The following POLR3G variants were observed in gnomAD, a reference collection of about 807,000 sequenced individuals.
POLR3G encodes the protein DNA-directed RNA polymerase III subunit RPC7.
POLR3G carries 28 observed loss-of-function variants against 30.1 expected under a neutral mutation model. The ratio of observed to expected loss-of-function variants is 0.93; its 90% CI spans 0.69 to 1.27. The LOEUF (loss-of-function observed/expected upper bound fraction) is 1.27, where lower values mean the gene tolerates loss of function less well. POLR3G is among the 50% of genes most tolerant of loss of function. The pLI is 0.00. For synonymous variants in POLR3G, 79 were observed against 82.5 expected, an observed-to-expected ratio of 0.96 and a Z score of 0.23; for missense variants, 254 against 264.6, an observed-to-expected ratio of 0.96 and a Z score of 0.28.
At chr5:90,484,213 C>CAA (rs1751294386) in intron 1 of POLR3G, among the ~76,000 whole-genome samples, 1 of 152,210 alleles carries the variant, frequency 6.6e-6, no homozygotes, top group South Asian at 2.1e-4. Flanking sequence ...TGGGCCCACT[C>CAA]ACAGTTTCTT....
intron 7 of POLR3G, among the ~76,000 whole-genome samples, chr5:90,509,276 G>T (rs1752628951): frequency 6.6e-6 from 1 of 151,952 alleles, no homozygotes; most frequent in Non-Finnish European, 1.5e-5. Flanking sequence ...CTTCCCTCGG[G>T]CTTCTTTTTC....
At chr5:90,479,440 T>C (rs1751012170) in intron 1 of POLR3G, among the ~76,000 whole-genome samples, 1 of 152,058 alleles carries the variant, frequency 6.6e-6, no homozygotes, top group South Asian at 2.1e-4. Flanking sequence ...ACCAATGCAC[T>C]CCAGCCTGGG....
At chr5:90,501,590 T>A (rs539261871) in intron 5 of POLR3G, among the ~76,000 whole-genome samples, 14 of 152,300 alleles carry the variant, frequency 9.2e-5, no homozygotes, top group African/African-American at 3.4e-4. Context: ...GGTACTTCTC[T>A]ATCTGAGGCA....
rs530113997 is a variant in POLR3G at position 90,505,316 on chromosome 5, G to A, written c.439-1212G>A. On this transcript the variant is annotated intron_variant, in intron 6 of 7. Coordinates refer to ENST00000651687, the MANE Select transcript of POLR3G (RefSeq NM_006467.3). ...GAGGTGACTTATGCCTTAATTATGC[G>A]TATTAATATGTGAAATTATTGACTC... Among the ~76,000 whole-genome samples, 393 of 152,116 alleles carry A rather than the reference G, an allele frequency of 2.6e-3. 1 individual carries two copies. The highest frequency in any genetic ancestry group is 8.7e-3 in the African/African-American group (363 of 41,486).
In POLR3G at chr5:90,501,928, A is replaced by C; in HGVS notation, c.378A>C (p.Ala126=). 1 of 1,613,564 alleles carries C rather than the reference A, an allele frequency of 6.2e-7. No homozygotes were observed. Among genetic ancestry groups the C allele is most frequent in the Non-Finnish European group, 8.5e-7 (1 of 1,179,658 alleles). The part of the protein sequence containing the change: ...CKKAGPKPKK[A]KDAGKGTPLT... ...CAGCAGGCCCAAAACCCAAAAAGGC[A>C]AAAGACGCAGGCAAAGGCACACCAC... Residue 126 remains alanine, a synonymous_variant, in exon 6 of 8, where the codon GCA becomes GCC. Coordinates refer to ENST00000651687, the MANE Select transcript of POLR3G (RefSeq NM_006467.3).
chr5:90,474,477 G>A, upstream of POLR3G: 1 of 607,300 alleles, frequency 1.6e-6, no homozygotes, highest in African/African-American at 1.9e-5. Flanking sequence ...GACCGACGCT[G>A]CCCGTAGCGT....
chr5:90,482,168 G>T (rs77842351), intron 1 of POLR3G, among the ~76,000 whole-genome samples: 1 of 152,176 alleles, frequency 6.6e-6, no homozygotes, highest in Admixed American at 6.5e-5. Context: ...ATAAATTTAC[G>T]AAATGAATAA....
chr5:90,487,898 CAT>C, intron 2 of POLR3G, 100 bp from the exon 3 acceptor site: 2 of 923,566 alleles, frequency 2.2e-6, no homozygotes, highest in Non-Finnish European at 3.0e-6. Flanking sequence ...GCCTGTAAAA[CAT>C]AGTATTTCAA....
chr5:90,479,124 A>G (rs770056223), intron 1 of POLR3G, among the ~76,000 whole-genome samples: 2 of 152,110 alleles, frequency 1.3e-5, no homozygotes, highest in Non-Finnish European at 2.9e-5. Context: ...AGCTGTTGCT[A>G]TATAGGAAGC....
intron 7 of POLR3G, among the ~76,000 whole-genome samples, chr5:90,507,900 CTGTTT>C (rs1752565475): frequency 6.6e-6 from 1 of 152,126 alleles, no homozygotes; most frequent in African/African-American, 2.4e-5. Flanking sequence ...TATTGGTTCT[CTGTTT>C]TAATTTTCTT....
rs1305236276 is a variant in POLR3G at position 90,495,681 on chromosome 5, T to C, written c.252T>C (p.Ile84=). The stretch of plus-strand genomic sequence containing the variant: ...CTTTATTCTTTTTTCCCCTAGATAT[T>C]GAAAGGTATAGTAAAAGATACATGA... ...FIETPEERQD[I]ERYSKRYMKV... Residue 84 remains isoleucine (I), a synonymous_variant, in exon 4 of 8, where the codon ATT becomes ATC. Coordinates refer to ENST00000651687, the MANE Select transcript of POLR3G (RefSeq NM_006467.3). 1 of 1,601,900 alleles carries C rather than the reference T, an allele frequency of 6.2e-7. No individual in the cohort carries two copies. The highest frequency in any genetic ancestry group is 1.7e-5 in the Admixed American group (1 of 58,314).
intron 1 of POLR3G, among the ~76,000 whole-genome samples, chr5:90,477,450 G>A (rs1172956464): frequency 6.6e-6 from 1 of 152,204 alleles, no homozygotes; most frequent in African/African-American, 2.4e-5. Flanking sequence ...AGGTCCAGGT[G>A]AGAGATGAGA....
rs114485433 is a variant in POLR3G at position 90,484,925 on chromosome 5, T to G, written c.-43-600T>G. ...GAGGATTCAAACGTTCAATACAACT[T>G]GCATATGTGATATCACTCCTGTCTC... On this transcript the variant is annotated intron_variant, in intron 1 of 7. Transcript: ENST00000651687. Among the ~76,000 whole-genome samples, 218 of 152,296 alleles carry G rather than the reference T, an allele frequency of 1.4e-3. 1 individual carries two copies. The highest frequency in any genetic ancestry group is 5.0e-3 in the African/African-American group (208 of 41,566).
chr5:90,502,175 T>G, intron 6 of POLR3G, 187 bp downstream of exon 6: 1 of 985,402 alleles, frequency 1.0e-6, no homozygotes, highest in Non-Finnish European at 1.2e-6. Flanking sequence ...GGAGGGTCTG[T>G]CCTGTCCTTC....
intron 1 of POLR3G, among the ~76,000 whole-genome samples, chr5:90,478,982 G>A (rs1376545029): frequency 9.9e-6 from 1 of 101,032 alleles, no homozygotes; most frequent in African/African-American, 3.4e-5. Context: ...TGATTCCAAT[G>A]TGCAGCCAGG....
intron 7 of POLR3G, among the ~76,000 whole-genome samples, chr5:90,508,277 A>G (rs933472552): frequency 6.6e-6 from 1 of 152,030 alleles, no homozygotes; most frequent in South Asian, 2.1e-4. Context: ...AGGAAACTCT[A>G]TTAAATTTCA....
intron 3 of POLR3G, among the ~76,000 whole-genome samples, chr5:90,488,941 A>AT (rs1279514051): frequency 2.6e-5 from 4 of 152,108 alleles, no homozygotes; most frequent in African/African-American, 9.7e-5. Context: ...TACTATATTG[A>AT]TTTTTCACTT....
intron 7 of POLR3G, 63 bp downstream of exon 7, chr5:90,506,737 T>C (rs748393826): frequency 3.3e-6 from 5 of 1,493,794 alleles, no homozygotes; most frequent in Non-Finnish European, 4.5e-6. Context: ...GAATCAGATA[T>C]AGAGTATGTA....
rs959245056 is a variant in POLR3G at position 90,513,191 on chromosome 5, T to G, written c.*1052T>G. 2.0e-5 allele frequency: 3 copies of G among 152,584 alleles called. No homozygotes were observed. The highest frequency in any genetic ancestry group is 7.2e-5 in the African/African-American group (3 of 41,464). 9.5% of individuals were successfully genotyped at this position (152,584 alleles called of 1,614,324 possible). Reference sequence around the variant, plus strand: ...AAATGCCAAAGATTTTCAAGGAAATTCATATTATATATTTCAAAAATGATT... The same window carrying G: ...AAATGCCAAAGATTTTCAAGGAAATGCATATTATATATTTCAAAAATGATT... On this transcript the variant is annotated 3_prime_UTR_variant, in exon 8 of 8. Coordinates refer to ENST00000651687, the MANE Select transcript of POLR3G (RefSeq NM_006467.3).
Sources: gnomAD v4.1 joint callset for allele counts (sites outside exome capture counted in the v4.1 genomes callset) on GRCh38, gnomAD v4.1.1 for gene constraint, MANE v1.5 for transcripts, NCBI Gene and HGNC (gene_info 2026-07-23, HGNC 2026-07-21) for gene names.